The following STAT2 variants were observed in gnomAD, a reference collection of about 807,000 sequenced individuals.
STAT2 encodes signal transducer and activator of transcription 2, also known as interferon alpha induced transcriptional activator.
A neutral mutation model predicts 122.3 loss-of-function variants in STAT2; 51 were observed. The observed-to-expected ratio is 0.42, with a 90% CI of 0.33 to 0.53. The LOEUF is 0.53. Ranked by LOEUF, STAT2 falls within the 20% of genes least tolerant of loss-of-function variation. The probability of loss-of-function intolerance (pLI) is 0.10; values close to 1 mark genes in which losing one functional copy is unlikely to be tolerated. For missense variants in STAT2, 736 were observed against 1,010.3 expected, an observed-to-expected ratio of 0.73 and a Z score of 3.68; for synonymous variants, 351 against 394.9, an observed-to-expected ratio of 0.89 and a Z score of 1.32.
At position 56,346,202 on chromosome 12, in the gene STAT2, A is replaced by C. The variant is rs780473717; in HGVS notation, c.2046T>G (p.Val682=). 3 of 1,614,108 alleles carry C rather than the reference A, an allele frequency of 1.9e-6. No homozygotes were observed. Among genetic ancestry groups the C allele is most frequent in the Non-Finnish European group, 2.5e-6 (3 of 1,179,976 alleles). ...EAFGCYYQEK[V]NLQERRKYLK... is the part of the protein sequence containing the mutation. ...GGTATTTCCTCCGTTCCTGGAGATT[A>C]ACTGTGAGGAACATATACAAGAAGC... Residue 682 remains valine (V), a splice_region_variant and synonymous_variant, in exon 22 of 24, where the codon GTT becomes GTG. Transcript: ENST00000314128.
At chr12:56,355,068 A>G in intron 6 of STAT2, 1 of 721,986 alleles carries the variant, frequency 1.4e-6, no homozygotes, top group Non-Finnish European at 2.3e-6. Flanking sequence ...TTAGTTTTCC[A>G]TGCATTTCCT....
chr12:56,348,405 G>A (rs1447099826), intron 19 of STAT2, 124 bp downstream of exon 19: 3 of 944,276 alleles, frequency 3.2e-6, no homozygotes, highest in African/African-American at 3.3e-5. Flanking sequence ...GTTAACAAAT[G>A]TGAGGAGACG....
At position 56,348,911 on chromosome 12, in the gene STAT2, A is replaced by C. The variant is rs1202760496; in HGVS notation, c.1576+13T>G. The C allele has an allele frequency of 1.9e-6, 3 of 1,613,184 alleles. No homozygotes were observed. The highest frequency in any genetic ancestry group is 1.7e-5 in the Admixed American group (1 of 59,944). On this transcript the variant is annotated intron_variant, in intron 17 of 23. Transcript: ENST00000314128. Reference sequence around the variant, plus strand: ...AAGGCTGGGGAAAGGCTGAGAGAAAAGGAAATCTGTACCGAACAGCTTGTT... The same window carrying C: ...AAGGCTGGGGAAAGGCTGAGAGAAACGGAAATCTGTACCGAACAGCTTGTT...
intron 8 of STAT2, among the ~76,000 whole-genome samples, chr12:56,354,016 A>AAAAAAAAATATATAT (rs71081350): frequency 6.0e-5 from 1 of 16,698 alleles, no homozygotes; most frequent in African/African-American, 1.1e-4. Flanking sequence ...AAAAAAAAAA[A>AAAAAAAAATATATAT]ATATATATAT....
chr12:56,352,473 C>T (rs1878680119), intron 8 of STAT2: 1 of 150,220 alleles, frequency 6.7e-6, no homozygotes, highest in Admixed American at 6.7e-5. Context: ...TAAAAAGCCT[C>T]GCCAGCTGAC....
intron 19 of STAT2, among the ~76,000 whole-genome samples, chr12:56,347,604 C>T (rs573017146): frequency 2.6e-5 from 4 of 152,058 alleles, no homozygotes; most frequent in African/African-American, 4.8e-5. Flanking sequence ...TGGGTTCAAG[C>T]GATTCTCCTG....
intron 18 of STAT2, 24 bp downstream of exon 18, chr12:56,348,728 G>A (rs1049344102): frequency 3.1e-6 from 5 of 1,614,092 alleles, no homozygotes; most frequent in Admixed American, 1.7e-5. Context: ...AGATCCAGCA[G>A]CTCCACAGGA....
In STAT2 at chr12:56,343,423, T is replaced by C. The variant is rs1307233729; in HGVS notation, c.2522A>G (p.Tyr841Cys). 6.2e-7 allele frequency: 1 copy of C among 1,614,230 alleles called. No individual in the cohort carries two copies. Among genetic ancestry groups the C allele is most frequent in the Middle Eastern group, 1.6e-4 (1 of 6,062 alleles). The change falls in exon 24 of 24, where the codon TAC (tyrosine) becomes TGC (cysteine). Residue 841 changes from tyrosine to cysteine, a missense_variant. Tyr to Cys is a radical substitution (Grantham distance 194). Transcript: ENST00000314128. Reference sequence around the variant, plus strand: ...AGAAGGCATCAAGGGTCCATCAGTGTAGAAGTGGCTGGGGCGGGAGACGTA... The same window carrying C: ...AGAAGGCATCAAGGGTCCATCAGTGCAGAAGTGGCTGGGGCGGGAGACGTA... ...EVYVSRPSHF[Y>C]TDGPLMPSDF
chr12:56,345,195 A>T (rs1260146652), intron 22 of STAT2, among the ~76,000 whole-genome samples: 10 of 148,924 alleles, frequency 6.7e-5, no homozygotes, highest in Admixed American at 6.7e-4. Context: ...AAAAAAAAAA[A>T]AAATTCTATC....
intron 7 of STAT2, 63 bp downstream of exon 7, chr12:56,354,715 G>A: frequency 9.9e-6 from 16 of 1,612,938 alleles, no homozygotes; most frequent in Non-Finnish European, 1.3e-5. Flanking sequence ...GAGGACCAGG[G>A]TCCCCACATC....
At chr12:56,352,977 T>C (rs1200668057) in intron 8 of STAT2, among the ~76,000 whole-genome samples, 1 of 151,594 alleles carries the variant, frequency 6.6e-6, no homozygotes, top group Non-Finnish European at 1.5e-5. Context: ...TGTGCCACCA[T>C]GCCTAATCTT....
rs1876976356 is a variant in STAT2, at chr12:56,344,039, G to A, written c.2199C>T (p.Leu733=). ...LELGLVPEPE[L]SLDLEPLLKA... is the part of the protein sequence containing the mutation. ...TCAGCAGTGGCTCTAAGTCCAGGCT[G>A]AGCTCTGGCTCTGGCACCAGCCCTA... The change falls in exon 23 of 24, where the codon CTC becomes CTT. Residue 733 remains leucine, a synonymous_variant. Coordinates refer to ENST00000314128, the MANE Select transcript of STAT2 (RefSeq NM_005419.4). 3.1e-6 allele frequency: 5 copies of A among 1,612,812 alleles called. No individual in the cohort carries two copies. Among genetic ancestry groups the A allele is most frequent in the Non-Finnish European group, 4.2e-6 (5 of 1,179,246 alleles).
rs778871536 is a variant in STAT2, at chr12:56,346,968, G to C, written c.1725-13C>G. The C allele has an allele frequency of 4.3e-6, 7 of 1,613,710 alleles. No individual in the cohort carries two copies. Among genetic ancestry groups the C allele is most frequent in the East Asian group, 2.2e-5 (1 of 44,888 alleles). ...GCCCATGATGCGTCTGGAGCACAGA[G>C]AGCAGCTGTGAGACACCGCCCAACA... On this transcript the variant is annotated splice_polypyrimidine_tract_variant and intron_variant, in intron 19 of 23. Transcript: ENST00000314128.
In STAT2 at chr12:56,354,466, C is replaced by T; in HGVS notation, c.782G>A (p.Trp261Ter). ...IDHGLEQLET[W>*]FTAGAKLLFH... ...CGAGGGTTGGGGTGGTACCTCTCAC[C>T]ATGTCTCCAGCTGTTCCAACCCGTG... The change falls in exon 8 of 24, where the codon TGG becomes TAG. Residue 261 changes from tryptophan to a stop codon, truncating the protein, a stop_gained and splice_region_variant. Coordinates refer to ENST00000314128, the MANE Select transcript of STAT2 (RefSeq NM_005419.4). LOFTEE classifies it high-confidence loss of function. The T allele has an allele frequency of 1.2e-6, 2 of 1,614,114 alleles. No homozygotes were observed. Among genetic ancestry groups the T allele is most frequent in the Non-Finnish European group, 1.7e-6 (2 of 1,180,038 alleles).
At chr12:56,353,405 T>C (rs1429238773) in intron 8 of STAT2, among the ~76,000 whole-genome samples, 1 of 152,084 alleles carries the variant, frequency 6.6e-6, no homozygotes, top group Non-Finnish European at 1.5e-5. Flanking sequence ...AGTACTAGGA[T>C]AACAGGCATG....
At chr12:56,343,629 G>A in intron 23 of STAT2, 98 bp from the exon 24 acceptor site, 1 of 1,538,490 alleles carries the variant, frequency 6.5e-7, no homozygotes, top group Non-Finnish European at 8.8e-7. Context: ...GGCCTGGGAA[G>A]AGCCTGAGTG....
At chr12:56,347,747 C>A (rs1319647693) in intron 19 of STAT2, among the ~76,000 whole-genome samples, 1 of 151,928 alleles carries the variant, frequency 6.6e-6, no homozygotes, top group African/African-American at 2.4e-5. Flanking sequence ...GGTGATCCAC[C>A]CACCTCGGCC....
rs771943479 is a variant in STAT2, at chr12:56,343,390, T to C, written c.2555A>G (p.Ter852TrpextTer18). 1.2e-6 allele frequency: 2 copies of C among 1,612,536 alleles called. No homozygotes were observed. Among genetic ancestry groups the C allele is most frequent in the Admixed American group, 3.3e-5 (2 of 59,750 alleles). Reference protein sequence around the residue: ...TDGPLMPSDF* With the variant: ...TDGPLMPSDFW Reference sequence around the variant, plus strand: ...AAAAGAACAGAGGAAATGTGGTTCCTAGAAGTCAGAAGGCATCAAGGGTCC... The same window carrying C: ...AAAAGAACAGAGGAAATGTGGTTCCCAGAAGTCAGAAGGCATCAAGGGTCC... Residue 852 changes from the stop codon to tryptophan, a stop_lost, in exon 24 of 24, where the codon TAG becomes TGG. Transcript: ENST00000314128.
rs1592462306 is a variant in STAT2, at chr12:56,343,849, G to A, written c.2389C>T (p.His797Tyr). The change falls in exon 23 of 24, where the codon CAT becomes TAT. Residue 797 changes from histidine (H) to tyrosine (Y), a missense_variant. Transcript: ENST00000314128. ...PEPDLPCDLR[H>Y]LNTEPMEIFR... The stretch of plus-strand genomic sequence containing the variant: ...CTTTCCATTGGCTCAGTGTTCAAAT[G>A]TCTCAGATCACAGGGCAAATCTGGC... The A allele has an allele frequency of 1.2e-6, 2 of 1,614,226 alleles. No individual in the cohort carries two copies. The highest frequency in any genetic ancestry group is 1.7e-6 in the Non-Finnish European group (2 of 1,180,038).
Sources: gnomAD v4.1 joint callset for allele counts (sites outside exome capture counted in the v4.1 genomes callset) on GRCh38, gnomAD v4.1.1 for gene constraint, MANE v1.5 for transcripts, NCBI Gene and HGNC (gene_info 2026-07-23, HGNC 2026-07-21) for gene names.